PALS1: variants seen among roughly 807,000 people sequenced by gnomAD.
PALS1 encodes the protein protein associated with LIN7 1, MAGUK p55 family member.
PALS1 carries 31 observed loss-of-function variants against 78.9 expected under a neutral mutation model. The observed-to-expected ratio is 0.39, with a 90% CI of 0.30 to 0.53. The LOEUF (loss-of-function observed/expected upper bound fraction) is 0.53. Among genes scored for constraint, PALS1 ranks in the 20% least tolerant of loss-of-function variants. The pLI, the probability that PALS1 is intolerant of heterozygous loss-of-function variation, is 0.67. For missense variants in PALS1, 704 were observed against 826.5 expected (o/e 0.85, Z 1.82); for synonymous variants, 276 against 270.9 (o/e 1.02, Z -0.18).
At chr14:67,248,804 A>T (rs1376451980) in intron 1 of PALS1, among the ~76,000 whole-genome samples, 1 of 152,124 alleles carries the variant, frequency 6.6e-6, no homozygotes, top group Non-Finnish European at 1.5e-5. Context: ...CTCTGGACTT[A>T]GTTTACATAC....
chr14:67,260,932 A>G lies in PALS1; in HGVS notation c.-236-8769A>G, dbSNP rs74377499. ...CTAGGACTAAGTCAAGTGGAGCCAT[A>G]TGAATGTCAGGCTAAGGTGTTCTGC... On this transcript the variant is annotated intron_variant, in intron 1 of 14. Transcript: ENST00000261681. Among the ~76,000 whole-genome samples, 7 of 152,308 alleles carry G rather than the reference A, an allele frequency of 4.6e-5. No individual in the cohort carries two copies. In the East Asian group the frequency reaches 7.7e-4, roughly 17 times the overall value.
chr14:67,319,866 T>G (rs2085236181), intron 11 of PALS1, among the ~76,000 whole-genome samples: 1 of 152,208 alleles, frequency 6.6e-6, no homozygotes, highest in Admixed American at 6.5e-5. Flanking sequence ...ACAACCTTCT[T>G]AAGTAGAATA....
chr14:67,332,195 AG>A (rs1378876376), intron 14 of PALS1, among the ~76,000 whole-genome samples: 1 of 152,180 alleles, frequency 6.6e-6, no homozygotes, highest in African/African-American at 2.4e-5. Context: ...GTTCAGGATA[AG>A]TTTTGCACAT....
chr14:67,331,225 A>C (rs1489962661), intron 14 of PALS1, among the ~76,000 whole-genome samples: 5 of 151,904 alleles, frequency 3.3e-5, no homozygotes, highest in African/African-American at 1.2e-4. Context: ...TTGTATTTTT[A>C]ATAGAGACGG....
chr14:67,263,547 C>G (rs191402827), intron 1 of PALS1, among the ~76,000 whole-genome samples: 1 of 152,320 alleles, frequency 6.6e-6, no homozygotes, highest in Admixed American at 6.5e-5. Context: ...GATTTTCCCT[C>G]TCTTCTCTTA....
intron 1 of PALS1, among the ~76,000 whole-genome samples, chr14:67,255,735 C>T: frequency 6.6e-6 from 1 of 152,174 alleles, no homozygotes; most frequent in Non-Finnish European, 1.5e-5. Flanking sequence ...GGCTGTAGTG[C>T]AGTAGTGCAA....
At chr14:67,287,170 G>GTTC (rs781652655) in intron 3 of PALS1, among the ~76,000 whole-genome samples, 40 of 152,200 alleles carry the variant, frequency 2.6e-4, no homozygotes, top group Admixed American at 1.6e-3. Flanking sequence ...AGTGAGCCAT[G>GTTC]TTCACACCAC....
In PALS1 at chr14:67,327,956, T is replaced by C. The variant is rs376174672; in HGVS notation, c.1851+4144T>C. On this transcript the variant is annotated intron_variant, in intron 14 of 14. Transcript: ENST00000261681. Reference sequence around the variant, plus strand: ...TGCAGTCAATGTACGTGTGCATGTGTCTTTATAGCAGCATGATTTATAATC... The same window carrying C: ...TGCAGTCAATGTACGTGTGCATGTGCCTTTATAGCAGCATGATTTATAATC... Among the ~76,000 whole-genome samples, 7 of 152,360 alleles carry C rather than the reference T, an allele frequency of 4.6e-5. No individual in the cohort carries two copies. In the South Asian group the frequency reaches 1.5e-3, roughly 32 times the overall value.
chr14:67,247,420 A>G (rs1403180942), intron 1 of PALS1, among the ~76,000 whole-genome samples: 1 of 151,580 alleles, frequency 6.6e-6, no homozygotes, highest in African/African-American at 2.4e-5. Flanking sequence ...TATTTTAGTA[A>G]TTTTTTTTGG....
chr14:67,316,494 C>G (rs950815948), intron 9 of PALS1, among the ~76,000 whole-genome samples: 1 of 152,108 alleles, frequency 6.6e-6, no homozygotes, highest in Non-Finnish European at 1.5e-5. Flanking sequence ...TGAGATAATT[C>G]TAAAGGACCT....
At chr14:67,252,728 A>G (rs2084084910) in intron 1 of PALS1, among the ~76,000 whole-genome samples, 1 of 152,244 alleles carries the variant, frequency 6.6e-6, no homozygotes, top group Non-Finnish European at 1.5e-5. Context: ...AATGAAAAAA[A>G]GCTCGGAATG....
intron 4 of PALS1, among the ~76,000 whole-genome samples, chr14:67,300,797 G>C (rs963404474): frequency 6.6e-6 from 1 of 151,998 alleles, no homozygotes; most frequent in Non-Finnish European, 1.5e-5. Context: ...TATGGTGATT[G>C]TTCCATTACA....
intron 1 of PALS1, chr14:67,254,377 A>G (rs1330122794): frequency 6.6e-6 from 1 of 151,956 alleles, no homozygotes; most frequent in Non-Finnish European, 1.5e-5. Context: ...TTGACCTTTT[A>G]TTCTTATTTC....
chr14:67,282,208 TTCTTGTTCATAA>T (rs1258787814), intron 3 of PALS1, among the ~76,000 whole-genome samples: 2 of 152,170 alleles, frequency 1.3e-5, no homozygotes, highest in Non-Finnish European at 2.9e-5. Context: ...AAACTTTTTT[TTCTTGTTCATAA>T]TCTGCTAACA....
Position 67,303,509 on chromosome 14 carries a change from C to T in PALS1, c.964-13C>T. 1 of 1,599,572 alleles carries T rather than the reference C, an allele frequency of 6.3e-7. No individual in the cohort carries two copies. Among genetic ancestry groups the T allele is most frequent in the South Asian group, 1.1e-5 (1 of 90,544 alleles). ...ATGCAAATTTAAAAAATAACCTGATCTTTCTATTACAGTCTGATATGCATG... is the reference window on the plus strand; with the variant it reads ...ATGCAAATTTAAAAAATAACCTGATTTTTCTATTACAGTCTGATATGCATG... On this transcript the variant is annotated splice_polypyrimidine_tract_variant and intron_variant, in intron 7 of 14. Transcript: ENST00000261681.
chr14:67,248,113 A>T (rs2084013932), intron 1 of PALS1, among the ~76,000 whole-genome samples: 1 of 152,092 alleles, frequency 6.6e-6, no homozygotes, highest in South Asian at 2.1e-4. Flanking sequence ...TAATATGGTG[A>T]ATTACACTGA....
At chr14:67,269,551 TG>T (rs1567510938) in intron 1 of PALS1, 149 bp from the exon 2 acceptor site, 1 of 152,456 alleles carries the variant, frequency 6.6e-6, no homozygotes, top group Non-Finnish European at 1.5e-5. Context: ...GGGGTCATGG[TG>T]CATTTTTATG....
chr14:67,317,478 T>C lies in PALS1; in HGVS notation c.1368T>C (p.Asp456=), dbSNP rs745938268. The C allele has an allele frequency of 5.6e-6, 9 of 1,597,820 alleles. No individual in the cohort carries two copies. Among genetic ancestry groups the C allele is most frequent in the Middle Eastern group, 1.7e-4 (1 of 6,006 alleles). The part of the protein sequence containing the change: ...KKVLYNANKN[D]DYDNEEILTY... ...TTTTATATAATGCCAATAAAAATGA[T>C]GGTAAGTTCTACTCTCAGGGATAGG... The change falls in exon 11 of 15, where the codon GAT becomes GAC. Residue 456 remains aspartate (D), a splice_region_variant and synonymous_variant. Coordinates refer to ENST00000261681, the MANE Select transcript of PALS1 (RefSeq NM_022474.4).
intron 9 of PALS1, among the ~76,000 whole-genome samples, chr14:67,315,593 T>C (rs902303336): frequency 6.6e-6 from 1 of 152,194 alleles, no homozygotes; most frequent in African/African-American, 2.4e-5. Context: ...ATTTTAATAC[T>C]CTTAAAATTT....
Sources: allele counts gnomAD v4.1 joint callset (sites outside exome capture counted in the v4.1 genomes callset), GRCh38; gene constraint gnomAD v4.1.1; transcripts MANE v1.5; gene names NCBI Gene and HGNC (gene_info 2026-07-23, HGNC 2026-07-21).